The following ANK2 variants were observed in gnomAD, a reference collection of about 807,000 sequenced individuals.
ANK2 encodes ankyrin 2, also known as ankyrin-2.
In ANK2, 83 loss-of-function variants were observed where a neutral mutation model predicts 360.5. That is an observed-to-expected ratio of 0.23 (90% CI 0.19 to 0.28). The LOEUF is 0.28. ANK2 is among the 10% of genes least tolerant of loss of function. The probability of loss-of-function intolerance (pLI) is 1.00; values close to 1 mark genes in which losing one functional copy is unlikely to be tolerated. For synonymous variants in ANK2, 1,740 were observed against 1,759.5 expected (o/e 0.99, Z 0.28); for missense variants, 4,201 against 4,795.7 (o/e 0.88, Z 3.66).
At chr4:113,214,545 T>G in intron 4 of ANK2, 1 of 553,334 alleles carries the variant, frequency 1.8e-6, no homozygotes, top group South Asian at 2.3e-5. Flanking sequence ...CTTATAATAT[T>G]CAATACCATG....
chr4:113,005,966 A>G (rs2052699157), intron 2 of ANK2, among the ~76,000 whole-genome samples: 1 of 152,104 alleles, frequency 6.6e-6, no homozygotes, highest in Non-Finnish European at 1.5e-5. Flanking sequence ...AAGCTTCCTG[A>G]GGCCCTCACC....
chr4:113,127,221 G>A (rs892229586), intron 1 of ANK2, among the ~76,000 whole-genome samples: 3 of 152,036 alleles, frequency 2.0e-5, no homozygotes, highest in South Asian at 4.1e-4. Flanking sequence ...TTCCAAAGTC[G>A]GTTCAGATGT....
chr4:113,333,197 G>A lies in ANK2; in HGVS notation c.3368G>A (p.Gly1123Asp), dbSNP rs2092850123. Residue 1123 changes from glycine (G) to aspartate (D), a missense_variant, in exon 29 of 46, where the codon GGC becomes GAC. Physicochemically the swap from Gly to Asp is moderately conservative, Grantham distance 94. Around this residue, in one of 4 missense-constraint regions of ANK2, gnomAD observed 1,268 missense variants for 1,650.8 expected, o/e 0.77. Coordinates refer to ENST00000357077, the MANE Select transcript of ANK2 (RefSeq NM_001148.6). ...GATGAATTGAATGAAATTCTTAACG[G>A]CATGGATGAAGGTACTTTCAGATGA... ...TEDELNEILN[G>D]MDEVLDSPED... 1 of 1,614,004 alleles carries A rather than the reference G, an allele frequency of 6.2e-7. No homozygotes were observed.
chr4:112,742,825 A>G, the ANK2 span, among the ~76,000 whole-genome samples: 1 of 151,930 alleles, frequency 6.6e-6, no homozygotes, highest in Non-Finnish European at 1.5e-5. Flanking sequence ...CCCGGGTTCA[A>G]GCAATTCTCC....
chr4:113,054,749 T>C (rs313946), intron 1 of ANK2, among the ~76,000 whole-genome samples: 7,704 of 152,198 alleles, frequency 0.051, 231 homozygotes, highest in Admixed American at 0.084. Flanking sequence ...ACTGAAGGTA[T>C]TTAAAATGAC....
chr4:113,045,964 C>T (rs371992205), upstream of ANK2, among the ~76,000 whole-genome samples: 11 of 152,158 alleles, frequency 7.2e-5, no homozygotes, highest in South Asian at 2.3e-3. Context: ...ATATGCCATG[C>T]ACTGCAGTAG....
chr4:112,816,237 G>A (rs1021565417), upstream of ANK2, among the ~76,000 whole-genome samples: 1 of 152,206 alleles, frequency 6.6e-6, no homozygotes, highest in Non-Finnish European at 1.5e-5. Flanking sequence ...CATATCTGGT[G>A]TCAGAGATGT....
chr4:112,965,521 G>T (rs916647524), intron 2 of ANK2, among the ~76,000 whole-genome samples: 1 of 152,052 alleles, frequency 6.6e-6, no homozygotes, highest in Non-Finnish European at 1.5e-5. Context: ...TATTTGTGGG[G>T]CATTAGTCAA....
the ANK2 span, among the ~76,000 whole-genome samples, chr4:112,778,212 C>G: frequency 6.6e-6 from 1 of 151,880 alleles, no homozygotes; most frequent in African/African-American, 2.4e-5. Flanking sequence ...TCAAGTGATC[C>G]GCCTGCCTCA....
At chr4:112,942,171 A>G (rs2094274894) in intron 2 of ANK2, among the ~76,000 whole-genome samples, 1 of 152,166 alleles carries the variant, frequency 6.6e-6, no homozygotes, top group South Asian at 2.1e-4. Flanking sequence ...TCCAAATTTT[A>G]GAAGGATAGA....
intron 4 of ANK2, chr4:113,214,358 T>C (rs2099062479): frequency 1.2e-6 from 1 of 835,746 alleles, no homozygotes. Flanking sequence ...CGCGGCCCTT[T>C]TTGGCACGAC....
the ANK2 span, among the ~76,000 whole-genome samples, chr4:112,755,541 C>A: frequency 6.6e-6 from 1 of 151,876 alleles, no homozygotes; most frequent in Non-Finnish European, 1.5e-5. Flanking sequence ...GTGGATCTCA[C>A]AAAGTACATT....
chr4:113,373,688 A>G (rs2096825906), intron 45 of ANK2: 8 of 692,742 alleles, frequency 1.2e-5, no homozygotes, highest in Middle Eastern at 2.6e-4. Context: ...AAAAATATCT[A>G]TTCTTTATTT....
chr4:113,135,506 G>A (rs1223122187), intron 1 of ANK2, among the ~76,000 whole-genome samples: 2 of 139,120 alleles, frequency 1.4e-5, no homozygotes, highest in African/African-American at 5.5e-5. Context: ...CCAAACCATA[G>A]AGCTGTGTGT....
intron 2 of ANK2, among the ~76,000 whole-genome samples, chr4:112,905,226 T>C (rs925781249): frequency 1.3e-5 from 2 of 152,204 alleles, no homozygotes; most frequent in Non-Finnish European, 2.9e-5. Flanking sequence ...AACAATTACA[T>C]GGTGAACTAT....
the ANK2 span, among the ~76,000 whole-genome samples, chr4:112,805,048 T>G: frequency 6.6e-6 from 1 of 152,156 alleles, no homozygotes; most frequent in Non-Finnish European, 1.5e-5. Flanking sequence ...AATCAGAACT[T>G]TATTCTGAAC....
intron 2 of ANK2, among the ~76,000 whole-genome samples, chr4:112,986,225 T>C (rs1328429046): frequency 6.6e-6 from 1 of 151,906 alleles, no homozygotes; most frequent in East Asian, 1.9e-4. Flanking sequence ...AGCTTCTATA[T>C]ATGAACAGCC....
At chr4:112,788,203 A>T in the ANK2 span, 2 of 1,589,952 alleles carry the variant, frequency 1.3e-6, no homozygotes, top group Non-Finnish European at 1.7e-6. Context: ...CGTATCTGTC[A>T]TTGTAATTGG....
At chr4:113,195,662 T>C (rs1018397307) in intron 2 of ANK2, among the ~76,000 whole-genome samples, 26 of 152,208 alleles carry the variant, frequency 1.7e-4, no homozygotes, top group South Asian at 8.3e-4. Context: ...TCACTTTATT[T>C]CCATTGCTCT....
Sources: allele counts gnomAD v4.1 joint callset (sites outside exome capture counted in the v4.1 genomes callset), GRCh38; gene constraint gnomAD v4.1.1; regional missense constraint gnomAD v4.1.1; transcripts MANE v1.5; gene names NCBI Gene and HGNC (gene_info 2026-07-23, HGNC 2026-07-21).